Variants in UBAC2 observed in about 807,000 individuals in gnomAD.
UBAC2 encodes the protein ubiquitin-associated domain-containing protein 2.
In UBAC2, 26 loss-of-function variants were observed where a neutral mutation model predicts 44.0. The ratio of observed to expected loss-of-function variants is 0.59; its 90% CI spans 0.43 to 0.82. UBAC2 has a LOEUF of 0.82. Ranked by LOEUF, UBAC2 falls within the 40% of genes least tolerant of loss-of-function variation. The pLI is 0.00. For synonymous variants in UBAC2, 155 were observed against 154.3 expected (o/e 1.00, Z -0.04); for missense variants, 329 against 419.4 (o/e 0.78, Z 1.88).
intron 8 of UBAC2, among the ~76,000 whole-genome samples, chr13:99,383,495 A>G (rs2045577969): frequency 6.6e-6 from 1 of 152,234 alleles, no homozygotes; most frequent in African/African-American, 2.4e-5. Flanking sequence ...AGCCCTGGGC[A>G]GCTGAGCATG....
In UBAC2 at chr13:99,347,840, C is replaced by G. The variant is rs376956169; in HGVS notation, c.807+7275C>G. On this transcript the variant is annotated intron_variant, in intron 7 of 8. Coordinates refer to ENST00000403766, the MANE Select transcript of UBAC2 (RefSeq NM_001144072.2). ...TATCCAGAGGCCTTTGGAGGCTTGTCTCATGGGCCTGTGGCAGTGAAGATG... is the reference window on the plus strand; with the variant it reads ...TATCCAGAGGCCTTTGGAGGCTTGTGTCATGGGCCTGTGGCAGTGAAGATG... Among the ~76,000 whole-genome samples, 7 of 151,746 alleles carry G rather than the reference C, an allele frequency of 4.6e-5. No homozygotes were observed. In the East Asian group the frequency reaches 7.7e-4, roughly 17 times the overall value.
At chr13:99,207,036 T>G in intron 1 of UBAC2, among the ~76,000 whole-genome samples, 1 of 152,236 alleles carries the variant, frequency 6.6e-6, no homozygotes, top group East Asian at 1.9e-4. Flanking sequence ...GCACCACTCT[T>G]GCTTTTTCTT....
chr13:99,345,320 T>G (rs1434132615), intron 7 of UBAC2, among the ~76,000 whole-genome samples: 1 of 152,106 alleles, frequency 6.6e-6, no homozygotes, highest in Non-Finnish European at 1.5e-5. Context: ...GATAGGACAG[T>G]TATCTCAGAA....
rs182194670 is a variant in UBAC2, at chr13:99,242,877, G to A, written c.160-955G>A. On this transcript the variant is annotated intron_variant, in intron 2 of 8. Transcript: ENST00000403766. ...ACGCTCCTCACCTCCCAGACGGGGC[G>A]GCGGGGCAGAGGTGCTCCCCACATC... Among the ~76,000 whole-genome samples, 883 of 148,054 alleles carry A rather than the reference G, an allele frequency of 6.0e-3. 5 individuals carry two copies. Among genetic ancestry groups the A allele is most frequent in the African/African-American group, 0.021 (855 of 40,084 alleles).
At chr13:99,378,855 A>G (rs1472156530) in intron 8 of UBAC2, among the ~76,000 whole-genome samples, 4 of 152,244 alleles carry the variant, frequency 2.6e-5, no homozygotes, top group Non-Finnish European at 5.9e-5. Context: ...AGGTACTTTT[A>G]TATTTATCCT....
chr13:99,226,215 A>C (rs867745472), intron 1 of UBAC2, among the ~76,000 whole-genome samples: 1 of 152,202 alleles, frequency 6.6e-6, no homozygotes, highest in Non-Finnish European at 1.5e-5. Context: ...AGATGGGCCC[A>C]GATCTTGTAG....
At chr13:99,286,919 GT>G (rs2044025625) in intron 4 of UBAC2, among the ~76,000 whole-genome samples, 1 of 152,170 alleles carries the variant, frequency 6.6e-6, no homozygotes, top group African/African-American at 2.4e-5. Flanking sequence ...CTGTGTCTCA[GT>G]TCTTTCTGAA....
chr13:99,201,637 G>A lies in UBAC2; in HGVS notation c.31+698G>A, dbSNP rs2042801715. 1.2e-5 allele frequency: 19 copies of A among 1,560,188 alleles called. No homozygotes were observed. The South Asian group carries it at 1.5e-4, about 12-fold the overall frequency. On this transcript the variant is annotated intron_variant, in intron 1 of 8. Coordinates refer to ENST00000403766, the MANE Select transcript of UBAC2 (RefSeq NM_001144072.2). ...ACTGAGTGTGTGGAATTGACTTTCG[G>A]TAAGGTAGACTGCGTGTTAACAGTT...
intron 4 of UBAC2, among the ~76,000 whole-genome samples, chr13:99,245,579 C>T (rs544411905): frequency 1.3e-5 from 2 of 152,124 alleles, no homozygotes; most frequent in Admixed American, 6.5e-5. Flanking sequence ...ACAGGCCGGG[C>T]GCGGTGGCTC....
At chr13:99,317,150 TC>T (rs2044503462) in intron 5 of UBAC2, among the ~76,000 whole-genome samples, 1 of 152,214 alleles carries the variant, frequency 6.6e-6, no homozygotes, top group Non-Finnish European at 1.5e-5. Flanking sequence ...CTGTCTTCTT[TC>T]TGTGTGTCCT....
At chr13:99,280,334 G>T (rs542761609) in intron 4 of UBAC2, among the ~76,000 whole-genome samples, 1 of 152,094 alleles carries the variant, frequency 6.6e-6, no homozygotes, top group African/African-American at 2.4e-5. Flanking sequence ...TGCCTGTCAC[G>T]CATACATCAT....
At chr13:99,363,411 T>A (rs752950078) in intron 7 of UBAC2, among the ~76,000 whole-genome samples, 49 of 152,208 alleles carry the variant, frequency 3.2e-4, no homozygotes, top group Non-Finnish European at 8.8e-5. Flanking sequence ...GGAATAATAA[T>A]AGGAATCTGA....
rs577392577 is a variant in UBAC2 at position 99,221,356 on chromosome 13, G to A, written c.32-17071G>A. On this transcript the variant is annotated intron_variant, in intron 1 of 8. Transcript: ENST00000403766. ...CACTACTTTGATTTCTATTAGTGCT[G>A]TTTGTGATTGTGTATGTCTTTCACT... 4.2e-4 allele frequency among the ~76,000 whole-genome samples: 64 copies of A among 152,178 alleles called. 1 individual carries two copies. Among genetic ancestry groups the A allele is most frequent in the Non-Finnish European group, 7.8e-4 (53 of 68,016 alleles).
In UBAC2 at chr13:99,245,489, T is replaced by C. The variant is rs552154063; in HGVS notation, c.389+865T>C. 1.1e-4 allele frequency among the ~76,000 whole-genome samples: 17 copies of C among 152,234 alleles called. No individual in the cohort carries two copies. In the South Asian group the frequency reaches 3.5e-3, roughly 32 times the overall value. ...TCTTCTTTAAAAAAAACAAAAACCATGTATTAGTGTGTGAAATAACTAGAA... is the reference window on the plus strand; with the variant it reads ...TCTTCTTTAAAAAAAACAAAAACCACGTATTAGTGTGTGAAATAACTAGAA... On this transcript the variant is annotated intron_variant, in intron 4 of 8. Transcript: ENST00000403766.
chr13:99,259,572 C>T (rs984715863), intron 4 of UBAC2, among the ~76,000 whole-genome samples: 7 of 152,224 alleles, frequency 4.6e-5, no homozygotes, highest in Admixed American at 1.3e-4. Flanking sequence ...CAGTTTCTCC[C>T]GCTGTAATAA....
chr13:99,241,574 C>T (rs993894104), intron 2 of UBAC2, among the ~76,000 whole-genome samples: 7 of 151,958 alleles, frequency 4.6e-5, no homozygotes, highest in Admixed American at 4.6e-4. Context: ...AATAGTGTTT[C>T]CTGGGGCTAA....
At chr13:99,273,826 C>G (rs1257993500) in intron 4 of UBAC2, among the ~76,000 whole-genome samples, 2 of 149,856 alleles carry the variant, frequency 1.3e-5, no homozygotes, top group African/African-American at 4.9e-5. Context: ...ATCCTATTAC[C>G]TAGATGTTCA....
chr13:99,222,976 T>A (rs1475554156), intron 1 of UBAC2, among the ~76,000 whole-genome samples: 1 of 152,192 alleles, frequency 6.6e-6, no homozygotes. Flanking sequence ...ACTTGGAGTT[T>A]TCTTTGTTGG....
intron 6 of UBAC2, 44 bp from the exon 7 acceptor site, chr13:99,340,276 A>T (rs537918225): frequency 2.5e-6 from 4 of 1,598,376 alleles, no homozygotes; most frequent in Non-Finnish European, 3.4e-6. Context: ...ATTTTTTAAA[A>T]TAATACTACA....
Sources: allele counts gnomAD v4.1 joint callset (sites outside exome capture counted in the v4.1 genomes callset), GRCh38; gene constraint gnomAD v4.1.1; transcripts MANE v1.5; gene names NCBI Gene and HGNC (gene_info 2026-07-23, HGNC 2026-07-21).